The following ATOSA variants were observed in gnomAD, a reference collection of about 807,000 sequenced individuals.
ATOSA encodes the protein atos homolog A.
At chr15:52,604,196 C>A in the ATOSA span, among the ~76,000 whole-genome samples, 1 of 152,120 alleles carries the variant, frequency 6.6e-6, no homozygotes, top group African/African-American at 2.4e-5. Flanking sequence ...CGGAGGCGGG[C>A]GGATCACGAG....
the ATOSA span, among the ~76,000 whole-genome samples, chr15:52,659,311 A>G: frequency 6.6e-6 from 1 of 152,180 alleles, no homozygotes; most frequent in East Asian, 1.9e-4. Flanking sequence ...AGAGAGGGAG[A>G]ATGGTCCAGA....
the ATOSA span, among the ~76,000 whole-genome samples, chr15:52,654,267 C>T: frequency 1.2e-4 from 18 of 152,114 alleles, no homozygotes; most frequent in Non-Finnish European, 1.9e-4. Context: ...AGATGTGCCA[C>T]CTTAAAAACT....
the ATOSA span, chr15:52,608,832 T>G: frequency 6.2e-7 from 1 of 1,606,492 alleles, no homozygotes. Flanking sequence ...TGTTCAAATA[T>G]TCAGACATTT....
At chr15:52,593,439 G>T in the ATOSA span, 1 of 737,426 alleles carries the variant, frequency 1.4e-6, no homozygotes, top group Non-Finnish European at 2.1e-6. Flanking sequence ...AAGAAGTTGT[G>T]AGGTAATATT....
the ATOSA span, among the ~76,000 whole-genome samples, chr15:52,643,410 G>C: frequency 5.3e-5 from 8 of 151,038 alleles, no homozygotes; most frequent in African/African-American, 1.7e-4. Context: ...TCCCGCCTCA[G>C]CCTCCTGAGT....
At chr15:52,610,961 T>C in the ATOSA span, among the ~76,000 whole-genome samples, 4 of 152,354 alleles carry the variant, frequency 2.6e-5, no homozygotes, top group East Asian at 5.8e-4. Context: ...ACAAAATTCA[T>C]ATTGAGTCAA....
the ATOSA span, among the ~76,000 whole-genome samples, chr15:52,690,847 G>A: frequency 1.3e-5 from 2 of 152,148 alleles, no homozygotes; most frequent in African/African-American, 4.8e-5. Flanking sequence ...TGAAAATAAA[G>A]ATACAGGTGA....
the ATOSA span, among the ~76,000 whole-genome samples, chr15:52,702,779 C>CAAAA: frequency 1.1e-5 from 1 of 91,910 alleles, no homozygotes; most frequent in South Asian, 3.6e-4. Context: ...AAAGTGTTTC[C>CAAAA]AAAAAAAAAA....
chr15:52,608,674 T>C, the ATOSA span: 2 of 1,612,682 alleles, frequency 1.2e-6, no homozygotes, highest in Admixed American at 1.7e-5. Flanking sequence ...TTCTTGCTTA[T>C]CTTGTTCATT....
At chr15:52,639,971 G>A in the ATOSA span, among the ~76,000 whole-genome samples, 1 of 151,614 alleles carries the variant, frequency 6.6e-6, no homozygotes, top group African/African-American at 2.4e-5. Flanking sequence ...TGTTGGCCAG[G>A]CTGGTCTTGA....
chr15:52,671,784 T>C, the ATOSA span, among the ~76,000 whole-genome samples: 25 of 151,566 alleles, frequency 1.6e-4, no homozygotes, highest in Non-Finnish European at 2.8e-4. Context: ...ACCAATGTGA[T>C]GACTGGGGAG....
the ATOSA span, among the ~76,000 whole-genome samples, chr15:52,639,759 TA>T: frequency 6.6e-6 from 1 of 152,188 alleles, no homozygotes; most frequent in Non-Finnish European, 1.5e-5. Flanking sequence ...GGTGAATATT[TA>T]TTTTTTTTAG....
chr15:52,593,859 T>G, the ATOSA span: 12 of 973,990 alleles, frequency 1.2e-5, no homozygotes, highest in African/African-American at 1.7e-4. Flanking sequence ...TATATTACTA[T>G]GCTTTCTAGC....
chr15:52,625,894 G>T, the ATOSA span, among the ~76,000 whole-genome samples: 1 of 152,166 alleles, frequency 6.6e-6, no homozygotes, highest in Non-Finnish European at 1.5e-5. Context: ...CTGTCAACCA[G>T]CTCTGCTACT....
the ATOSA span, chr15:52,608,653 T>C: frequency 6.2e-7 from 1 of 1,611,448 alleles, no homozygotes; most frequent in Middle Eastern, 1.7e-4. Context: ...GGATTTTTCA[T>C]TAGTTGGATC....
chr15:52,697,349 C>A, the ATOSA span, among the ~76,000 whole-genome samples: 2 of 152,196 alleles, frequency 1.3e-5, no homozygotes, highest in Admixed American at 6.5e-5. Flanking sequence ...ATGTTATACA[C>A]TGCTTTTCAC....
At chr15:52,616,627 T>C in the ATOSA span, among the ~76,000 whole-genome samples, 114 of 152,202 alleles carry the variant, frequency 7.5e-4, no homozygotes, top group Middle Eastern at 3.4e-3. Flanking sequence ...AGCCAATTGA[T>C]TCAAAGTGGG....
At chr15:52,645,899 T>C in the ATOSA span, among the ~76,000 whole-genome samples, 2 of 152,212 alleles carry the variant, frequency 1.3e-5, no homozygotes, top group Non-Finnish European at 2.9e-5. Flanking sequence ...ATTCTAGATT[T>C]ACCTGTACTC....
chr15:52,609,077 T>A, the ATOSA span: 2 of 1,613,486 alleles, frequency 1.2e-6, no homozygotes, highest in South Asian at 2.2e-5. Flanking sequence ...TGAGACAAAA[T>A]TGAGGAAGTT....
Sources: gnomAD v4.1 joint callset for allele counts (sites outside exome capture counted in the v4.1 genomes callset) on GRCh38, gnomAD v4.1.1 for gene constraint, MANE v1.5 for transcripts, NCBI Gene and HGNC (gene_info 2026-07-23, HGNC 2026-07-21) for gene names.